The following PCDH15 variants were observed in gnomAD, a reference collection of about 807,000 sequenced individuals.
PCDH15 encodes protocadherin-15.
Under a neutral mutation model 178.5 loss-of-function variants are expected in PCDH15, and 129 were observed. That is an observed-to-expected ratio of 0.72 (90% CI 0.63 to 0.84). The LOEUF is 0.84. Ranked by LOEUF, PCDH15 falls within the 40% of genes least tolerant of loss-of-function variation. The pLI, the probability that PCDH15 is intolerant of heterozygous loss-of-function variation, is 0.00. For synonymous variants in PCDH15, 800 were observed against 732.0 expected (o/e 1.09, Z -1.50); for missense variants, 2,230 against 2,099.9 (o/e 1.06, Z -1.21).
At chr10:54,821,711 T>C (rs770227318) in intron 3 of PCDH15, among the ~76,000 whole-genome samples, 128 of 152,130 alleles carry the variant, frequency 8.4e-4, no homozygotes, top group Non-Finnish European at 1.3e-3. Flanking sequence ...CTATGAATTA[T>C]CTTTTTGTTG....
chr10:54,716,661 C>G (rs1007488000), intron 1 of PCDH15, among the ~76,000 whole-genome samples: 1 of 151,872 alleles, frequency 6.6e-6, no homozygotes, highest in African/African-American at 2.4e-5. Context: ...AGATTTTGGG[C>G]TGAGTGAAAA....
intron 21 of PCDH15, among the ~76,000 whole-genome samples, chr10:53,972,161 G>T (rs988849105): frequency 6.6e-6 from 1 of 152,040 alleles, no homozygotes. Flanking sequence ...GATCTTTGAC[G>T]AATGTGACCA....
intron 2 of PCDH15, among the ~76,000 whole-genome samples, chr10:54,947,618 T>C (rs1838226937): frequency 6.6e-6 from 1 of 151,996 alleles, no homozygotes; most frequent in Admixed American, 6.6e-5. Context: ...TGTGTGCACA[T>C]GTGTGTGTAT....
intron 2 of PCDH15, among the ~76,000 whole-genome samples, chr10:54,654,312 TAAATG>T (rs2094329119): frequency 6.6e-6 from 1 of 151,380 alleles, no homozygotes; most frequent in East Asian, 1.9e-4. Context: ...TATGGAAAAA[TAAATG>T]AGAGTGGGGA....
chr10:54,763,055 T>C (rs983473686), intron 1 of PCDH15, among the ~76,000 whole-genome samples: 1 of 152,194 alleles, frequency 6.6e-6, no homozygotes, highest in Admixed American at 6.5e-5. Flanking sequence ...AAGGTATACA[T>C]CACAGACCAT....
intron 2 of PCDH15, among the ~76,000 whole-genome samples, chr10:55,024,637 A>G (rs1225501560): frequency 3.9e-5 from 6 of 152,164 alleles, no homozygotes; most frequent in Admixed American, 3.3e-4. Context: ...TATGTACCCC[A>G]TCTCAAGAAA....
At chr10:54,429,211 A>G (rs1370116183) in intron 3 of PCDH15, among the ~76,000 whole-genome samples, 1 of 152,192 alleles carries the variant, frequency 6.6e-6, no homozygotes, top group Non-Finnish European at 1.5e-5. Flanking sequence ...AATTTTTATT[A>G]GGTTTCTTTT....
intron 2 of PCDH15, among the ~76,000 whole-genome samples, chr10:55,550,767 T>C (rs886487704): frequency 2.0e-5 from 3 of 152,004 alleles, no homozygotes; most frequent in Admixed American, 2.0e-4. Flanking sequence ...AAAAGAAAAA[T>C]GTTACCCATA....
chr10:55,197,869 T>G (rs188662474), intron 1 of PCDH15, among the ~76,000 whole-genome samples: 1 of 152,278 alleles, frequency 6.6e-6, no homozygotes, highest in Non-Finnish European at 1.5e-5. Context: ...TATATATCAA[T>G]GTTTCATAAT....
At chr10:54,131,120 C>A (rs148370920) in intron 15 of PCDH15, among the ~76,000 whole-genome samples, 78 of 152,262 alleles carry the variant, frequency 5.1e-4, no homozygotes, top group African/African-American at 1.8e-3. Flanking sequence ...AGGCCAACTT[C>A]TTTTCATCTT....
intron 3 of PCDH15, among the ~76,000 whole-genome samples, chr10:54,511,624 G>T (rs1364720404): frequency 6.6e-6 from 1 of 152,110 alleles, no homozygotes; most frequent in African/African-American, 2.4e-5. Context: ...ATGCATTTGG[G>T]TGATCACATT....
intron 1 of PCDH15, among the ~76,000 whole-genome samples, chr10:54,797,541 C>T (rs888100625): frequency 6.6e-6 from 1 of 150,894 alleles, no homozygotes; most frequent in Non-Finnish European, 1.5e-5. Flanking sequence ...CACACACACA[C>T]ACACACACAC....
At chr10:53,917,563 C>T (rs752409832) in intron 25 of PCDH15, among the ~76,000 whole-genome samples, 3 of 152,154 alleles carry the variant, frequency 2.0e-5, no homozygotes, top group Non-Finnish European at 4.4e-5. Flanking sequence ...GTTATTGTCA[C>T]ATGGGCAGTT....
chr10:54,349,434 A>C (rs774738362), intron 5 of PCDH15, among the ~76,000 whole-genome samples: 9 of 152,222 alleles, frequency 5.9e-5, no homozygotes, highest in Admixed American at 5.2e-4. Flanking sequence ...TAATATTTGT[A>C]AAGTTGAAGG....
chr10:55,083,526 A>C (rs1041193772), intron 2 of PCDH15, among the ~76,000 whole-genome samples: 2 of 151,920 alleles, frequency 1.3e-5, no homozygotes, highest in African/African-American at 2.4e-5. Context: ...GCCTATGTTC[A>C]CTATTGCTAT....
At chr10:55,612,378 T>C (rs1316447694) in intron 2 of PCDH15, among the ~76,000 whole-genome samples, 2 of 152,088 alleles carry the variant, frequency 1.3e-5, no homozygotes, top group Non-Finnish European at 2.9e-5. Flanking sequence ...TCATTTTCTA[T>C]TATGCCAAAG....
rs527276992 is a variant in PCDH15 at position 54,016,992 on chromosome 10, C to T, written c.2751+3200G>A. On this transcript the variant is annotated intron_variant, in intron 20 of 37. Coordinates refer to ENST00000644397, the MANE Select transcript of PCDH15 (RefSeq NM_001384140.1). ...TAAAATAATAATATGTTTTCAGTTACAAGAGACAACATATGTTAAGATATA... is the reference window on the plus strand; with the variant it reads ...TAAAATAATAATATGTTTTCAGTTATAAGAGACAACATATGTTAAGATATA... Among the ~76,000 whole-genome samples, 3 of 152,266 alleles carry T rather than the reference C, an allele frequency of 2.0e-5. No individual in the cohort carries two copies. In the South Asian group the frequency reaches 6.2e-4, roughly 32 times the overall value.
chr10:54,457,684 A>G (rs1008855507), intron 3 of PCDH15, among the ~76,000 whole-genome samples: 2 of 151,300 alleles, frequency 1.3e-5, no homozygotes, highest in African/African-American at 2.5e-5. Flanking sequence ...AAATTGCTAA[A>G]CAATATTTTT....
intron 2 of PCDH15, among the ~76,000 whole-genome samples, chr10:55,007,789 C>T (rs927571116): frequency 6.6e-6 from 1 of 151,980 alleles, no homozygotes; most frequent in African/African-American, 2.4e-5. Context: ...TTCTAAAAGA[C>T]AGTCAACGCT....
Sources: gnomAD v4.1 joint callset for allele counts (sites outside exome capture counted in the v4.1 genomes callset) on GRCh38, gnomAD v4.1.1 for gene constraint, MANE v1.5 for transcripts, NCBI Gene and HGNC (gene_info 2026-07-23, HGNC 2026-07-21) for gene names.